The following MLLT10 variants were observed in gnomAD, a reference collection of about 807,000 sequenced individuals.
MLLT10 encodes MLLT10 histone lysine methyltransferase DOT1L cofactor, also known as protein AF-10.
Under a neutral mutation model 129.1 loss-of-function variants are expected in MLLT10, and 30 were observed. The observed-to-expected ratio is 0.23, with a 90% confidence interval of 0.17 to 0.32. The LOEUF is 0.32. Among genes scored for constraint, MLLT10 ranks in the 10% least tolerant of loss-of-function variants. MLLT10 has a pLI of 1.00. For synonymous variants in MLLT10, 490 were observed against 446.4 expected (o/e 1.10, Z -1.23); for missense variants, 1,119 against 1,268.3 (o/e 0.88, Z 1.79).
At chr10:21,577,692 A>C (rs1209572412) in intron 3 of MLLT10, among the ~76,000 whole-genome samples, 1 of 151,874 alleles carries the variant, frequency 6.6e-6, no homozygotes, top group Non-Finnish European at 1.5e-5. Context: ...GCTAGTCTTG[A>C]ACTCCTGACC....
chr10:21,662,331 T>C (rs2050296405), intron 9 of MLLT10, among the ~76,000 whole-genome samples: 1 of 152,206 alleles, frequency 6.6e-6, no homozygotes, highest in Non-Finnish European at 1.5e-5. Flanking sequence ...CTCTTCCCTG[T>C]ATTCCCATTT....
chr10:21,626,340 T>G, intron 8 of MLLT10: 1 of 787,534 alleles, frequency 1.3e-6, no homozygotes. Flanking sequence ...CAAGGCATTT[T>G]GAAAATGACT....
intron 4 of MLLT10, among the ~76,000 whole-genome samples, chr10:21,593,875 G>A (rs1238043700): frequency 2.4e-5 from 3 of 122,884 alleles, no homozygotes; most frequent in East Asian, 2.6e-4. Context: ...GTAGTGAGCC[G>A]AAATCATGCC....
intron 8 of MLLT10, among the ~76,000 whole-genome samples, chr10:21,641,428 C>T (rs1017825656): frequency 6.6e-6 from 1 of 152,118 alleles, no homozygotes; most frequent in African/African-American, 2.4e-5. Flanking sequence ...ATGTTTTAAA[C>T]ACCAAAGGCA....
intron 2 of MLLT10, 21 bp from the exon 3 acceptor site, chr10:21,538,812 A>G: frequency 6.4e-7 from 1 of 1,574,236 alleles, no homozygotes; most frequent in Non-Finnish European, 8.7e-7. Context: ...TAACATTTTA[A>G]CACATTTCAT....
chr10:21,648,038 A>G (rs1261692524), intron 8 of MLLT10, among the ~76,000 whole-genome samples: 31 of 152,116 alleles, frequency 2.0e-4, no homozygotes, highest in Admixed American at 2.0e-3. Context: ...ATTTTCCCCT[A>G]AATTATTAAC....
At chr10:21,625,599 C>G in intron 8 of MLLT10, 1 of 757,326 alleles carries the variant, frequency 1.3e-6, no homozygotes, top group South Asian at 1.4e-5. Flanking sequence ...TTTTTGTCAT[C>G]AGGTTGATCA....
intron 13 of MLLT10, among the ~76,000 whole-genome samples, chr10:21,696,700 C>T (rs894623396): frequency 6.6e-6 from 1 of 152,096 alleles, no homozygotes; most frequent in African/African-American, 2.4e-5. Context: ...CTGGTGGCTT[C>T]CCTTTATCCA....
chr10:21,625,001 A>G (rs1296433333), intron 8 of MLLT10: 2 of 1,070,118 alleles, frequency 1.9e-6, no homozygotes, highest in Non-Finnish European at 2.8e-6. Context: ...CTCTTACTGC[A>G]TAGCCACCAT....
chr10:21,628,234 G>A (rs2046645150), intron 8 of MLLT10, among the ~76,000 whole-genome samples: 1 of 152,106 alleles, frequency 6.6e-6, no homozygotes, highest in Non-Finnish European at 1.5e-5. Context: ...GGAGTAATCT[G>A]TAAATCTGTG....
At position 21,623,422 on chromosome 10, in the gene MLLT10, GA is replaced by G. The variant is rs1393005233; in HGVS notation, c.699+6217del. Among the ~76,000 whole-genome samples, 3 of 152,160 alleles carry G rather than the reference GA, an allele frequency of 2.0e-5. 1 individual carries two copies. The highest frequency in any genetic ancestry group is 7.2e-5 in the African/African-American group (3 of 41,434). ...AAGAGTTTTACAAGCTCTGTGCCAGGAATCTGAGAATAAGACCAAATATTAT... is the reference window on the plus strand; with the variant it reads ...AAGAGTTTTACAAGCTCTGTGCCAGGATCTGAGAATAAGACCAAATATTAT... On this transcript the variant is annotated intron_variant, in intron 8 of 22. Transcript: ENST00000307729.
intron 9 of MLLT10, among the ~76,000 whole-genome samples, chr10:21,657,487 G>A (rs1194133730): frequency 1.3e-5 from 2 of 150,818 alleles, no homozygotes; most frequent in Non-Finnish European, 2.9e-5. Context: ...AAAGAAATTC[G>A]TAGATGCTTA....
intron 13 of MLLT10, among the ~76,000 whole-genome samples, chr10:21,700,658 A>G (rs2054822746): frequency 6.6e-6 from 1 of 152,130 alleles, no homozygotes; most frequent in Non-Finnish European, 1.5e-5. Context: ...GATACCTATT[A>G]TGTTAAACCA....
chr10:21,695,061 C>CTTTTTTTTTTT (rs71393922), intron 13 of MLLT10, among the ~76,000 whole-genome samples: 1 of 104,034 alleles, frequency 9.6e-6, no homozygotes, highest in Non-Finnish European at 1.9e-5. Flanking sequence ...TTTCTACCTT[C>CTTTTTTTTTTT]TTTTTTTTTT....
intron 3 of MLLT10, among the ~76,000 whole-genome samples, chr10:21,575,743 G>GT (rs2040668618): frequency 2.6e-5 from 4 of 152,098 alleles, no homozygotes; most frequent in African/African-American, 9.7e-5. Flanking sequence ...ATCTTACCAC[G>GT]TTTGGGGCAC....
chr10:21,539,042 C>A, intron 3 of MLLT10, 130 bp downstream of exon 3: 1 of 566,678 alleles, frequency 1.8e-6, no homozygotes, highest in Non-Finnish European at 3.1e-6. Context: ...ATAATTTAGG[C>A]CAAATATTGA....
chr10:21,652,057 C>T (rs1203557074), intron 9 of MLLT10, among the ~76,000 whole-genome samples: 3 of 151,326 alleles, frequency 2.0e-5, no homozygotes, highest in African/African-American at 4.8e-5. Context: ...GGACTACAGG[C>T]GCGTGCCACT....
At chr10:21,695,955 T>C (rs2054320116) in intron 13 of MLLT10, among the ~76,000 whole-genome samples, 1 of 150,766 alleles carries the variant, frequency 6.6e-6, no homozygotes, top group South Asian at 2.1e-4. Flanking sequence ...TGTGGGTTTT[T>C]TTTTTTTTTT....
intron 3 of MLLT10, among the ~76,000 whole-genome samples, chr10:21,549,551 C>CA (rs2036640445): frequency 6.6e-6 from 1 of 151,932 alleles, no homozygotes; most frequent in East Asian, 1.9e-4. Flanking sequence ...ATCCCATAGT[C>CA]AAAGCATGGC....
Sources: allele counts gnomAD v4.1 joint callset (sites outside exome capture counted in the v4.1 genomes callset), GRCh38; gene constraint gnomAD v4.1.1; transcripts MANE v1.5; gene names NCBI Gene and HGNC (gene_info 2026-07-23, HGNC 2026-07-21).